The following CHST9 variants were observed in gnomAD, a reference collection of about 807,000 sequenced individuals.
CHST9 encodes the protein GalNAc-4-sulfotransferase 2.
A neutral mutation model predicts 44.4 loss-of-function variants in CHST9; 41 were observed. The observed-to-expected ratio is 0.92, with a 90% confidence interval of 0.72 to 1.20. The LOEUF is 1.20. Ranked by LOEUF, CHST9 falls within the 50% of genes most tolerant of loss-of-function variation. The pLI is 0.00. For synonymous variants in CHST9, 171 were observed against 178.4 expected, an observed-to-expected ratio of 0.96 and a Z score of 0.33; for missense variants, 504 against 516.5, an observed-to-expected ratio of 0.98 and a Z score of 0.23.
At chr18:27,041,995 T>G (rs2057450968) in intron 3 of CHST9, among the ~76,000 whole-genome samples, 1 of 152,050 alleles carries the variant, frequency 6.6e-6, no homozygotes, top group Non-Finnish European at 1.5e-5. Flanking sequence ...TTCATTAACA[T>G]AGTTCAGAGA....
intron 2 of CHST9, among the ~76,000 whole-genome samples, chr18:27,053,186 AAGAAGAAG>A (rs2057596125): frequency 6.9e-6 from 1 of 143,928 alleles, no homozygotes; most frequent in African/African-American, 2.6e-5. Flanking sequence ...GAAGAAGAAG[AAGAAGAAG>A]AAAGAACAAG....
At position 26,955,623 on chromosome 18, in the gene CHST9, G is replaced by T. The variant is rs546801725; in HGVS notation, c.203-11257C>A. Among the ~76,000 whole-genome samples the T allele has an allele frequency of 6.6e-5, 10 of 152,266 alleles. No individual in the cohort carries two copies. The South Asian group carries it at 2.1e-3, about 32-fold the overall frequency. On this transcript the variant is annotated intron_variant, in intron 4 of 5. Transcript: ENST00000618847. The stretch of plus-strand genomic sequence containing the variant: ...GACACAAGCTTGGGGTGTGTCTGGG[G>T]ATGACAAGAGAGGCTGGATACAAGT...
chr18:27,043,055 C>T (rs1453749098), intron 3 of CHST9, among the ~76,000 whole-genome samples: 2 of 152,052 alleles, frequency 1.3e-5, no homozygotes, highest in Admixed American at 6.6e-5. Flanking sequence ...CTCCTTTTAA[C>T]TTTCTGTCTT....
At chr18:27,061,542 G>C (rs957270576) in intron 2 of CHST9, among the ~76,000 whole-genome samples, 2 of 152,100 alleles carry the variant, frequency 1.3e-5, no homozygotes, top group African/African-American at 4.8e-5. Context: ...ACCTTTCCTA[G>C]ACCATGCACT....
intron 1 of CHST9, among the ~76,000 whole-genome samples, chr18:27,170,327 A>G (rs748514168): frequency 6.6e-6 from 1 of 152,178 alleles, no homozygotes; most frequent in East Asian, 1.9e-4. Flanking sequence ...AGAACTGCCA[A>G]ATGGAAGTAA....
intron 1 of CHST9, among the ~76,000 whole-genome samples, chr18:27,164,104 T>C (rs1480597796): frequency 2.6e-5 from 4 of 151,990 alleles, no homozygotes; most frequent in African/African-American, 9.7e-5. Flanking sequence ...CCAGGAAAGG[T>C]TGACCAGGTT....
intron 5 of CHST9, among the ~76,000 whole-genome samples, chr18:26,926,257 T>C (rs2055765945): frequency 6.6e-6 from 1 of 152,240 alleles, no homozygotes; most frequent in Admixed American, 6.5e-5. Flanking sequence ...TATGGTCCTC[T>C]TGGATTCAAG....
intron 2 of CHST9, among the ~76,000 whole-genome samples, chr18:27,089,738 T>C (rs750245543): frequency 7.2e-5 from 11 of 152,140 alleles, no homozygotes; most frequent in Non-Finnish European, 1.6e-4. Context: ...GTTGAACTAG[T>C]TTGCAGTCCC....
chr18:27,174,344 G>A (rs187901046), intron 1 of CHST9, among the ~76,000 whole-genome samples: 20 of 151,876 alleles, frequency 1.3e-4, no homozygotes, highest in African/African-American at 4.6e-4. Context: ...TTGCCTGATC[G>A]TTTGTTTCCT....
chr18:27,094,155 T>C (rs2058094799), intron 2 of CHST9, among the ~76,000 whole-genome samples: 1 of 152,200 alleles, frequency 6.6e-6, no homozygotes, highest in African/African-American at 2.4e-5. Context: ...TGGAAAACTC[T>C]TATTTGCTAT....
chr18:27,093,290 A>G (rs2058086738), intron 2 of CHST9, among the ~76,000 whole-genome samples: 1 of 152,234 alleles, frequency 6.6e-6, no homozygotes, highest in Non-Finnish European at 1.5e-5. Context: ...GCTGTCAGAC[A>G]GGGACATTTA....
chr18:27,146,196 C>T (rs2058610878), intron 1 of CHST9, among the ~76,000 whole-genome samples: 1 of 152,150 alleles, frequency 6.6e-6, no homozygotes, highest in Non-Finnish European at 1.5e-5. Flanking sequence ...AAGAATTTGC[C>T]CTTCCTTTCT....
intron 1 of CHST9, among the ~76,000 whole-genome samples, chr18:27,173,619 T>G (rs983009006): frequency 2.0e-5 from 3 of 152,034 alleles, no homozygotes; most frequent in Admixed American, 6.6e-5. Context: ...AAACATATTC[T>G]TCTAAGGATA....
At chr18:27,128,654 T>A (rs1399696167) in intron 2 of CHST9, among the ~76,000 whole-genome samples, 1 of 152,224 alleles carries the variant, frequency 6.6e-6, no homozygotes, top group African/African-American at 2.4e-5. Flanking sequence ...CCAGTCCATA[T>A]ATCTACTTAA....
intron 5 of CHST9, among the ~76,000 whole-genome samples, chr18:26,929,278 C>G (rs1247418082): frequency 6.6e-6 from 1 of 152,150 alleles, no homozygotes; most frequent in African/African-American, 2.4e-5. Context: ...TCTTTGGACC[C>G]TTTAACCAAG....
chr18:27,148,852 G>A (rs1378167323), intron 1 of CHST9, among the ~76,000 whole-genome samples: 1 of 139,806 alleles, frequency 7.2e-6, no homozygotes, highest in Non-Finnish European at 1.6e-5. Flanking sequence ...CACAATGGTT[G>A]AACTAGTTTA....
At chr18:27,003,574 G>A (rs1012160894) in intron 4 of CHST9, among the ~76,000 whole-genome samples, 2 of 152,074 alleles carry the variant, frequency 1.3e-5, no homozygotes, top group African/African-American at 2.4e-5. Context: ...AAGGAGTAGG[G>A]CAATTGAAGG....
chr18:26,965,264 C>T (rs1568112374), intron 4 of CHST9, among the ~76,000 whole-genome samples: 1 of 152,190 alleles, frequency 6.6e-6, no homozygotes, highest in Non-Finnish European at 1.5e-5. Context: ...CATAAAAATA[C>T]TCAACTGAGG....
chr18:26,942,507 G>T (rs542178218), intron 5 of CHST9, among the ~76,000 whole-genome samples: 1 of 152,110 alleles, frequency 6.6e-6, no homozygotes, highest in South Asian at 2.1e-4. Context: ...TAAATATTTG[G>T]CATTCTATTT....
Sources: gnomAD v4.1 joint callset for allele counts (sites outside exome capture counted in the v4.1 genomes callset) on GRCh38, gnomAD v4.1.1 for gene constraint, MANE v1.5 for transcripts, NCBI Gene and HGNC (gene_info 2026-07-23, HGNC 2026-07-21) for gene names.